The following OTUD7A variants were observed in gnomAD, a reference collection of about 807,000 sequenced individuals.
OTUD7A encodes the protein OTU domain-containing protein 7A.
In OTUD7A, 12 loss-of-function variants were observed where a neutral mutation model predicts 65.7. That is an observed-to-expected ratio of 0.18 (90% CI 0.12 to 0.30). The LOEUF is 0.30. Among genes scored for constraint, OTUD7A ranks in the 10% least tolerant of loss-of-function variants. The pLI, the probability that OTUD7A is intolerant of heterozygous loss-of-function variation, is 1.00. For missense variants in OTUD7A, 1,148 were observed against 1,304.8 expected (o/e 0.88, Z 1.85); for synonymous variants, 641 against 586.3 (o/e 1.09, Z -1.35).
At chr15:31,867,625 C>G (rs1271530283) in intron 1 of OTUD7A, among the ~76,000 whole-genome samples, 1 of 152,202 alleles carries the variant, frequency 6.6e-6, no homozygotes, top group African/African-American at 2.4e-5. Context: ...CGGGGTTGCC[C>G]TGGCTGGCAC....
intron 10 of OTUD7A, among the ~76,000 whole-genome samples, chr15:31,491,550 A>T (rs976368845): frequency 1.5e-4 from 23 of 152,218 alleles, no homozygotes; most frequent in African/African-American, 5.5e-4. Flanking sequence ...GTGTAAATGA[A>T]ATCCCAGAAG....
chr15:31,676,706 A>G (rs1289635236), intron 1 of OTUD7A, among the ~76,000 whole-genome samples: 2 of 152,238 alleles, frequency 1.3e-5, no homozygotes, highest in Admixed American at 1.3e-4. Context: ...CGAAGCTGAA[A>G]GCATCGCTAA....
chr15:31,787,449 T>C (rs1366346566), intron 1 of OTUD7A: 2 of 152,198 alleles, frequency 1.3e-5, no homozygotes, highest in African/African-American at 4.8e-5. Flanking sequence ...GAGTTAAAGA[T>C]GGAGGGAAAT....
chr15:31,771,582 T>C (rs1240016459), intron 1 of OTUD7A, among the ~76,000 whole-genome samples: 2 of 152,214 alleles, frequency 1.3e-5, no homozygotes, highest in East Asian at 3.8e-4. Context: ...CAGGCTACTA[T>C]CATCCCTTAC....
At chr15:31,697,754 GGAGT>G (rs1433584213) in intron 1 of OTUD7A, among the ~76,000 whole-genome samples, 2 of 152,210 alleles carry the variant, frequency 1.3e-5, no homozygotes, top group African/African-American at 4.8e-5. Flanking sequence ...TGAGCCCAGA[GGAGT>G]GAGACAACCT....
At chr15:31,851,523 T>G (rs1897424667) in intron 1 of OTUD7A, among the ~76,000 whole-genome samples, 1 of 152,208 alleles carries the variant, frequency 6.6e-6, no homozygotes, top group Admixed American at 6.5e-5. Context: ...ACGGCTAATT[T>G]TCCAAGATAT....
At chr15:31,759,540 CT>C (rs1319735844) in intron 1 of OTUD7A, among the ~76,000 whole-genome samples, 3 of 152,122 alleles carry the variant, frequency 2.0e-5, no homozygotes, top group Admixed American at 2.0e-4. Flanking sequence ...GCATTTTTGC[CT>C]TTTCGTTTTT....
At chr15:31,646,822 C>T (rs1891687532) in intron 3 of OTUD7A, among the ~76,000 whole-genome samples, 1 of 152,086 alleles carries the variant, frequency 6.6e-6, no homozygotes, top group Non-Finnish European at 1.5e-5. Flanking sequence ...CAAAATAGGC[C>T]AGTGATGGTA....
At chr15:31,753,416 C>T (rs1567004444) in intron 1 of OTUD7A, among the ~76,000 whole-genome samples, 1 of 151,888 alleles carries the variant, frequency 6.6e-6, no homozygotes, top group East Asian at 1.9e-4. Flanking sequence ...GCAGTATACA[C>T]TGTACCCTAT....
intron 3 of OTUD7A, among the ~76,000 whole-genome samples, chr15:31,629,225 G>A (rs887061937): frequency 2.0e-5 from 3 of 152,128 alleles, no homozygotes; most frequent in East Asian, 3.9e-4. Context: ...TATTGGCTGT[G>A]GGTTTGTCAT....
At chr15:31,849,346 C>A (rs549847746) in intron 1 of OTUD7A, among the ~76,000 whole-genome samples, 1 of 152,262 alleles carries the variant, frequency 6.6e-6, no homozygotes, top group Admixed American at 6.5e-5. Flanking sequence ...AACTGGCTAG[C>A]CATATGTAGA....
At chr15:31,831,383 A>G (rs1208118595) in intron 1 of OTUD7A, among the ~76,000 whole-genome samples, 1 of 152,232 alleles carries the variant, frequency 6.6e-6, no homozygotes, top group East Asian at 1.9e-4. Flanking sequence ...TCAGTAAAAG[A>G]GATGAATAGG....
At chr15:31,679,585 G>C (rs1892666581) in intron 1 of OTUD7A, among the ~76,000 whole-genome samples, 1 of 152,090 alleles carries the variant, frequency 6.6e-6, no homozygotes. Flanking sequence ...CTCTCTAAGT[G>C]CCTGGCATTT....
intron 1 of OTUD7A, chr15:31,768,149 T>C: frequency 6.3e-7 from 1 of 1,577,252 alleles, no homozygotes; most frequent in Admixed American, 1.7e-5. Flanking sequence ...GGTAACTTCA[T>C]TCCACAGCTT....
intron 3 of OTUD7A, among the ~76,000 whole-genome samples, chr15:31,571,129 A>C (rs1889041979): frequency 6.6e-6 from 1 of 152,196 alleles, no homozygotes; most frequent in South Asian, 2.1e-4. Context: ...CTGGTATCAA[A>C]ATATCACATC....
chr15:31,645,936 A>G (rs1034177381), intron 3 of OTUD7A, among the ~76,000 whole-genome samples: 6 of 152,230 alleles, frequency 3.9e-5, no homozygotes, highest in African/African-American at 1.2e-4. Flanking sequence ...GAGGCCCTCA[A>G]CGCCTGCTTG....
In OTUD7A at chr15:31,629,489, G is replaced by A. The variant is rs543986152; in HGVS notation, c.151+25607C>T. ...GCTTTTTGAGGTGCTGCTGGATTCG[G>A]TCTGCCAGTATTTTATTGAGGATTT... On this transcript the variant is annotated intron_variant, in intron 3 of 12. Coordinates refer to ENST00000307050, the MANE Select transcript of OTUD7A (RefSeq NM_001382637.1). Among the ~76,000 whole-genome samples, 7 of 152,266 alleles carry A rather than the reference G, an allele frequency of 4.6e-5. No homozygotes were observed. In the East Asian group the frequency reaches 1.3e-3, roughly 29 times the overall value.
intron 8 of OTUD7A, among the ~76,000 whole-genome samples, chr15:31,508,634 G>C (rs1297016991): frequency 1.3e-5 from 2 of 152,274 alleles, no homozygotes; most frequent in African/African-American, 4.8e-5. Context: ...TTACAGGCGT[G>C]AGGCACTGCG....
intron 8 of OTUD7A, among the ~76,000 whole-genome samples, chr15:31,521,647 TCA>T (rs2041939094): frequency 6.6e-6 from 1 of 152,128 alleles, no homozygotes; most frequent in Non-Finnish European, 1.5e-5. Context: ...TTGACAACTC[TCA>T]GACTGTGTGC....
Sources: gnomAD v4.1 joint callset for allele counts (sites outside exome capture counted in the v4.1 genomes callset) on GRCh38, gnomAD v4.1.1 for gene constraint, MANE v1.5 for transcripts, NCBI Gene and HGNC (gene_info 2026-07-23, HGNC 2026-07-21) for gene names.